Variants in GPC6 observed in about 807,000 individuals in gnomAD.
The protein encoded by GPC6 is glypican-6.
A neutral mutation model predicts 55.2 loss-of-function variants in GPC6; 14 were observed. The observed-to-expected ratio is 0.25, with a 90% CI of 0.17 to 0.40. The LOEUF (loss-of-function observed/expected upper bound fraction) is 0.40, where lower values mean the gene tolerates loss of function less well. Among genes scored for constraint, GPC6 ranks in the 10% least tolerant of loss-of-function variants. GPC6 has a pLI of 1.00. For synonymous variants in GPC6, 278 were observed against 259.6 expected (o/e 1.07, Z -0.68); for missense variants, 641 against 708.5 (o/e 0.90, Z 1.08).
At chr13:93,568,737 A>G (rs917705208) in intron 2 of GPC6, among the ~76,000 whole-genome samples, 3 of 152,218 alleles carry the variant, frequency 2.0e-5, no homozygotes, top group African/African-American at 4.8e-5. Flanking sequence ...TCTGTCTGGC[A>G]TACTAAAAGA....
In GPC6 at chr13:94,286,334, C is replaced by G; in HGVS notation, c.878-15C>G. The G allele has an allele frequency of 6.2e-7, 1 of 1,613,362 alleles. No homozygotes were observed. Among genetic ancestry groups the G allele is most frequent in the Non-Finnish European group, 8.5e-7 (1 of 1,179,554 alleles). ...TCCCAGTTTGCAAATAAATCATGTT[C>G]CTGTATTTTAACAGATGCAATGCTC... On this transcript the variant is annotated splice_polypyrimidine_tract_variant and intron_variant, in intron 4 of 8. Transcript: ENST00000377047.
chr13:94,099,384 G>A (rs1209778229), intron 4 of GPC6, among the ~76,000 whole-genome samples: 1 of 151,926 alleles, frequency 6.6e-6, no homozygotes, highest in South Asian at 2.1e-4. Context: ...CACATTCACG[G>A]GTATTTTGCA....
At position 94,015,126 on chromosome 13, in the gene GPC6, G is replaced by T. The variant is rs57959400; in HGVS notation, c.712-12603G>T. On this transcript the variant is annotated intron_variant, in intron 3 of 8. Coordinates refer to ENST00000377047, the MANE Select transcript of GPC6 (RefSeq NM_005708.5). ...GGAACTGCCAAACTGTTTTTCCAAT[G>T]TGGCTGTACTATTATACATCCCTAT... 6.5e-3 allele frequency among the ~76,000 whole-genome samples: 989 copies of T among 152,234 alleles called. 13 individuals are homozygous for T. Among genetic ancestry groups the T allele is most frequent in the African/African-American group, 0.023 (942 of 41,528 alleles).
At chr13:93,311,907 G>T (rs1462031263) in intron 1 of GPC6, among the ~76,000 whole-genome samples, 1 of 151,990 alleles carries the variant, frequency 6.6e-6, no homozygotes, top group African/African-American at 2.4e-5. Context: ...GGGTCTTTGG[G>T]GTAATCAGGC....
chr13:94,302,395 G>T (rs541582491), intron 5 of GPC6, among the ~76,000 whole-genome samples: 1 of 152,214 alleles, frequency 6.6e-6, no homozygotes, highest in East Asian at 1.9e-4. Context: ...CTATTCTTGA[G>T]GGTAGAGCCT....
chr13:94,016,637 G>A (rs1012252109), intron 3 of GPC6, among the ~76,000 whole-genome samples: 12 of 152,086 alleles, frequency 7.9e-5, no homozygotes, highest in African/African-American at 1.9e-4. Context: ...AAGAGATTGC[G>A]GTGAATCTAT....
At chr13:93,540,187 C>T (rs1882235635) in intron 1 of GPC6, among the ~76,000 whole-genome samples, 1 of 152,042 alleles carries the variant, frequency 6.6e-6, no homozygotes, top group Non-Finnish European at 1.5e-5. Context: ...CTTGTTTTTT[C>T]ATTCTTCACA....
At chr13:94,019,430 A>C (rs896562525) in intron 3 of GPC6, among the ~76,000 whole-genome samples, 1 of 152,200 alleles carries the variant, frequency 6.6e-6, no homozygotes, top group African/African-American at 2.4e-5. Context: ...TCAGATTGTC[A>C]GAAGCCAAGA....
At chr13:93,813,268 T>C (rs993293910) in intron 2 of GPC6, among the ~76,000 whole-genome samples, 1 of 152,046 alleles carries the variant, frequency 6.6e-6, no homozygotes, top group African/African-American at 2.4e-5. Context: ...AATACAAAAA[T>C]TAGCAGAGCA....
intron 1 of GPC6, among the ~76,000 whole-genome samples, chr13:93,376,565 A>G (rs1333152980): frequency 6.6e-6 from 1 of 152,176 alleles, no homozygotes; most frequent in Non-Finnish European, 1.5e-5. Flanking sequence ...TCTCTACACC[A>G]TCAGAGCTCT....
chr13:94,383,450 G>T (rs1212309301), intron 7 of GPC6, among the ~76,000 whole-genome samples: 1 of 152,190 alleles, frequency 6.6e-6, no homozygotes, highest in Admixed American at 6.5e-5. Context: ...GTGTGTGGTT[G>T]CCAGGAGCGG....
At chr13:93,932,326 G>C (rs1263799003) in intron 3 of GPC6, among the ~76,000 whole-genome samples, 1 of 151,902 alleles carries the variant, frequency 6.6e-6, no homozygotes, top group Non-Finnish European at 1.5e-5. Flanking sequence ...TAAGGACACT[G>C]GTCTGCAGTA....
intron 2 of GPC6, among the ~76,000 whole-genome samples, chr13:93,711,584 A>AG (rs1883066324): frequency 8.9e-6 from 1 of 112,026 alleles, no homozygotes; most frequent in African/African-American, 2.7e-5. Context: ...GTCTTTTTTA[A>AG]ATTTTTTTTT....
intron 4 of GPC6, among the ~76,000 whole-genome samples, chr13:94,261,105 G>A (rs531938134): frequency 1.3e-5 from 2 of 151,918 alleles, no homozygotes; most frequent in East Asian, 3.9e-4. Flanking sequence ...GAAACCCCAT[G>A]TCTACTAAAA....
chr13:93,243,221 T>C (rs2139018027), intron 1 of GPC6, among the ~76,000 whole-genome samples: 1 of 152,356 alleles, frequency 6.6e-6, no homozygotes, highest in South Asian at 2.1e-4. Flanking sequence ...TCTCTCTTGA[T>C]TTGATCTCTG....
intron 1 of GPC6, among the ~76,000 whole-genome samples, chr13:93,361,001 T>G (rs1881023812): frequency 6.6e-6 from 1 of 152,102 alleles, no homozygotes; most frequent in African/African-American, 2.4e-5. Flanking sequence ...CTTACTCGCT[T>G]TTTTTGTTTT....
At chr13:93,828,677 T>C (rs61962148) in intron 2 of GPC6, among the ~76,000 whole-genome samples, 35,951 of 151,990 alleles carry the variant, frequency 0.24, 4,774 homozygotes, top group East Asian at 0.35. Flanking sequence ...AATCCCACAG[T>C]TTTTGCTGCC....
intron 3 of GPC6, among the ~76,000 whole-genome samples, chr13:93,935,785 A>G (rs767992087): frequency 5.3e-5 from 8 of 152,260 alleles, no homozygotes; most frequent in East Asian, 3.9e-4. Context: ...ATATAAAGAC[A>G]TTTCATACCC....
chr13:94,023,882 G>T (rs1402134356), intron 3 of GPC6, among the ~76,000 whole-genome samples: 1 of 151,934 alleles, frequency 6.6e-6, no homozygotes, highest in African/African-American at 2.4e-5. Context: ...AGCTCAAAAG[G>T]TTACTTATTG....
Sources: allele counts gnomAD v4.1 joint callset (sites outside exome capture counted in the v4.1 genomes callset), GRCh38; gene constraint gnomAD v4.1.1; transcripts MANE v1.5; gene names NCBI Gene and HGNC (gene_info 2026-07-23, HGNC 2026-07-21).